The following JAM3 variants were observed in gnomAD, a reference collection of about 807,000 sequenced individuals.
JAM3 encodes the protein junctional adhesion molecule 3.
In JAM3, 31 loss-of-function variants were observed where a neutral mutation model predicts 39.4. The observed-to-expected ratio is 0.79, with a 90% CI of 0.59 to 1.06. The LOEUF (loss-of-function observed/expected upper bound fraction) is 1.06. JAM3 is among the 50% of genes least tolerant of loss of function. The pLI, the probability that JAM3 is intolerant of heterozygous loss-of-function variation, is 0.00. For synonymous variants in JAM3, 182 were observed against 148.7 expected, an observed-to-expected ratio of 1.22 and a Z score of -1.63; for missense variants, 455 against 391.4, an observed-to-expected ratio of 1.16 and a Z score of -1.37.
At chr11:134,083,432 A>G (rs1367297092) in intron 1 of JAM3, among the ~76,000 whole-genome samples, 2 of 152,204 alleles carry the variant, frequency 1.3e-5, no homozygotes, top group South Asian at 2.1e-4. Flanking sequence ...CCCTGGGGCT[A>G]GTATCCCACA....
intron 1 of JAM3, among the ~76,000 whole-genome samples, chr11:134,099,961 C>T (rs964159310): frequency 1.3e-5 from 2 of 152,144 alleles, no homozygotes; most frequent in Non-Finnish European, 2.9e-5. Flanking sequence ...GGAGATTTTC[C>T]AATAATGTCA....
intron 1 of JAM3, among the ~76,000 whole-genome samples, chr11:134,114,999 T>G (rs908964978): frequency 1.3e-5 from 2 of 152,250 alleles, no homozygotes; most frequent in African/African-American, 2.4e-5. Context: ...CTTTTCAGTT[T>G]TTGCATAATA....
chr11:134,087,835 T>G (rs470531), intron 1 of JAM3, among the ~76,000 whole-genome samples: 59,655 of 152,116 alleles, frequency 0.39, 12,674 homozygotes, highest in African/African-American at 0.57. Context: ...AAAGGTATTC[T>G]GTAAACCAGT....
In JAM3 at chr11:134,083,302, A is replaced by AGG. The variant is rs1565482842; in HGVS notation, c.76+14143_76+14144insGG. Reference sequence around the variant, plus strand: ...AGCAGATCGCTCCCTCCCTTTCCCTATTTCTCCCTCACTCTTTCTCTCTCC... The same window carrying AGG: ...AGCAGATCGCTCCCTCCCTTTCCCTAGGTTTCTCCCTCACTCTTTCTCTCTCC... On this transcript the variant is annotated intron_variant, in intron 1 of 8. Transcript: ENST00000299106. 3.3e-5 allele frequency among the ~76,000 whole-genome samples: 5 copies of AGG among 151,352 alleles called. No individual in the cohort carries two copies. The East Asian group carries it at 9.7e-4, about 29-fold the overall frequency.
chr11:134,072,647 A>T (rs1203382416), intron 1 of JAM3, among the ~76,000 whole-genome samples: 1 of 152,214 alleles, frequency 6.6e-6, no homozygotes, highest in East Asian at 1.9e-4. Context: ...TTGGCCGGGT[A>T]CAGTGGCTCA....
At chr11:134,085,932 C>G (rs908734923) in intron 1 of JAM3, among the ~76,000 whole-genome samples, 2 of 152,136 alleles carry the variant, frequency 1.3e-5, no homozygotes, top group Non-Finnish European at 2.9e-5. Flanking sequence ...ATCGCCTTAA[C>G]AGATGAGAAG....
intron 1 of JAM3, among the ~76,000 whole-genome samples, chr11:134,090,956 A>G (rs1941837057): frequency 6.6e-6 from 1 of 152,202 alleles, no homozygotes; most frequent in Non-Finnish European, 1.5e-5. Flanking sequence ...GGTTAGGTTT[A>G]CTTGCTGTTT....
chr11:134,145,784 C>G (rs1467706785), intron 5 of JAM3, among the ~76,000 whole-genome samples, 162 bp from the exon 6 acceptor site: 2 of 152,160 alleles, frequency 1.3e-5, no homozygotes, highest in African/African-American at 4.8e-5. Flanking sequence ...GGGGAGCTGT[C>G]AGGCAGGTAT....
chr11:134,100,989 A>G (rs1020742546), intron 1 of JAM3, among the ~76,000 whole-genome samples: 3 of 152,234 alleles, frequency 2.0e-5, no homozygotes, highest in African/African-American at 4.8e-5. Flanking sequence ...TCTTCTTTCA[A>G]TAAACCATTC....
In JAM3 at chr11:134,149,223, A is replaced by G. The variant is rs754338555; in HGVS notation, c.*42A>G. The stretch of plus-strand genomic sequence containing the variant: ...GAGAGCGCACAGAGCGCACGTGCAC[A>G]TACCTCTGCTAGAAACTCCTGTCAA... On this transcript the variant is annotated 3_prime_UTR_variant, in exon 9 of 9. Coordinates refer to ENST00000299106, the MANE Select transcript of JAM3 (RefSeq NM_032801.5). 4.6e-5 allele frequency: 75 copies of G among 1,613,044 alleles called. No homozygotes were observed. The South Asian group carries it at 7.1e-4, about 15-fold the overall frequency.
At chr11:134,148,846 A>T (rs1943129921) in intron 8 of JAM3, 28 bp downstream of exon 8, 5 of 1,609,812 alleles carry the variant, frequency 3.1e-6, no homozygotes, top group Non-Finnish European at 4.3e-6. Context: ...CTGGAAACCT[A>T]GGTGTACCCA....
At chr11:134,115,980 TATC>T (rs1232648863) in intron 1 of JAM3, among the ~76,000 whole-genome samples, 5 of 152,200 alleles carry the variant, frequency 3.3e-5, no homozygotes, top group South Asian at 2.1e-4. Context: ...GGGTATATAA[TATC>T]ATCATGACAT....
At chr11:134,140,382 T>C (rs141667878) in intron 2 of JAM3, among the ~76,000 whole-genome samples, 2 of 152,250 alleles carry the variant, frequency 1.3e-5, no homozygotes, top group East Asian at 3.9e-4. Flanking sequence ...AGTGCTAAGA[T>C]TACAGGTGTG....
chr11:134,110,302 C>T (rs1942284890), intron 1 of JAM3, among the ~76,000 whole-genome samples: 1 of 152,046 alleles, frequency 6.6e-6, no homozygotes, highest in Non-Finnish European at 1.5e-5. Flanking sequence ...TATTATACTC[C>T]CACATACTTA....
chr11:134,150,518 C>T lies in JAM3; in HGVS notation c.*1337C>T, dbSNP rs1188337061. 6.6e-6 allele frequency: 1 copy of T among 152,380 alleles called. No homozygotes were observed. The highest frequency in any genetic ancestry group is 1.9e-4 in the East Asian group (1 of 5,190). 9.4% of individuals were successfully genotyped at this position (152,380 alleles called of 1,614,324 possible). The stretch of plus-strand genomic sequence containing the variant: ...CTCACGTGGCCCTTGCTTCATCCAG[C>T]ACAGCTCTCAGGTGGGCACTGCAGG... On this transcript the variant is annotated 3_prime_UTR_variant, in exon 9 of 9. Transcript: ENST00000299106.
chr11:134,148,623 C>G lies in JAM3; in HGVS notation c.789C>G (p.Ile263Met), dbSNP rs1288812241. Residue 263 changes from isoleucine (I) to methionine (M), a missense_variant, in exon 7 of 9, where the codon ATC (isoleucine) becomes ATG (methionine). Ile to Met is a conservative substitution (Grantham distance 10, BLOSUM62 1). Coordinates refer to ENST00000299106, the MANE Select transcript of JAM3 (RefSeq NM_032801.5). ...LAVLALITLG[I>M]CCAYRRGYFI... ...TACTGGCCCTGATCACGTTGGGCAT[C>G]TGCTGTGCATACAGACGTGGCTACT... 6.2e-7 allele frequency: 1 copy of G among 1,613,940 alleles called. No homozygotes were observed. The highest frequency in any genetic ancestry group is 1.3e-5 in the African/African-American group (1 of 74,872).
At chr11:134,118,547 C>T (rs1364855620) in intron 1 of JAM3, among the ~76,000 whole-genome samples, 1 of 152,058 alleles carries the variant, frequency 6.6e-6, no homozygotes, top group Non-Finnish European at 1.5e-5. Context: ...TCCTCTCTGT[C>T]CTCTCTTTGT....
chr11:134,081,306 G>A (rs184749071), intron 1 of JAM3, among the ~76,000 whole-genome samples: 1 of 152,342 alleles, frequency 6.6e-6, no homozygotes, highest in African/African-American at 2.4e-5. Flanking sequence ...AAGACAATGG[G>A]GAAAATGTCT....
At position 134,148,632 on chromosome 11, in the gene JAM3, A is replaced by C; in HGVS notation, c.798A>C (p.Ala266=). The change falls in exon 7 of 9, where the codon GCA becomes GCC. Residue 266 remains alanine (A), a synonymous_variant. Transcript: ENST00000299106. ...LALITLGICC[A]YRRGYFINNK... The stretch of plus-strand genomic sequence containing the variant: ...TGATCACGTTGGGCATCTGCTGTGC[A>C]TACAGACGTGGCTACTTCATCAACA... 6.2e-7 allele frequency: 1 copy of C among 1,614,184 alleles called. No homozygotes were observed. Among genetic ancestry groups the C allele is most frequent in the Non-Finnish European group, 8.5e-7 (1 of 1,180,034 alleles).
Sources: allele counts gnomAD v4.1 joint callset (sites outside exome capture counted in the v4.1 genomes callset), GRCh38; gene constraint gnomAD v4.1.1; transcripts MANE v1.5; gene names NCBI Gene and HGNC (gene_info 2026-07-23, HGNC 2026-07-21).